Variants in KHDRBS3 observed in about 807,000 individuals in gnomAD.
KHDRBS3 encodes the protein KH domain-containing, RNA-binding, signal transduction-associated protein 3.
In KHDRBS3, 23 loss-of-function variants were observed where a neutral mutation model predicts 45.6. The observed-to-expected ratio is 0.50, with a 90% CI of 0.36 to 0.72. KHDRBS3 has a LOEUF of 0.72. KHDRBS3 is among the 30% of genes least tolerant of loss of function. KHDRBS3 has a pLI of 0.00. For missense variants in KHDRBS3, 352 were observed against 424.8 expected, an observed-to-expected ratio of 0.83 and a Z score of 1.51; for synonymous variants, 162 against 156.5, an observed-to-expected ratio of 1.04 and a Z score of -0.26.
intron 5 of KHDRBS3, among the ~76,000 whole-genome samples, chr8:135,559,624 G>A (rs1417560411): frequency 6.6e-6 from 1 of 152,144 alleles, no homozygotes; most frequent in Non-Finnish European, 1.5e-5. Context: ...GCCTCCCAAA[G>A]TGCTGGGATT....
At chr8:135,511,549 G>GT (rs1327592880) in intron 1 of KHDRBS3, among the ~76,000 whole-genome samples, 1 of 119,882 alleles carries the variant, frequency 8.3e-6, no homozygotes, top group Non-Finnish European at 1.8e-5. Context: ...TTGTTTGTTT[G>GT]TTGTTGTTGT....
intron 6 of KHDRBS3, among the ~76,000 whole-genome samples, chr8:135,605,756 A>C (rs1004255651): frequency 6.6e-6 from 1 of 152,182 alleles, no homozygotes; most frequent in Admixed American, 6.5e-5. Context: ...CACAATTCAA[A>C]TATGTGTTGT....
At chr8:135,541,496 T>G (rs1441063872) in intron 2 of KHDRBS3, 1 of 152,230 alleles carries the variant, frequency 6.6e-6, no homozygotes, top group Non-Finnish European at 1.5e-5. Context: ...CCAATAAAAT[T>G]AAAAGTTGGA....
At chr8:135,519,275 T>C (rs1230615930) in intron 1 of KHDRBS3, among the ~76,000 whole-genome samples, 1 of 152,208 alleles carries the variant, frequency 6.6e-6, no homozygotes, top group Non-Finnish European at 1.5e-5. Flanking sequence ...TGATGCCAGC[T>C]GTGTATCCAG....
chr8:135,509,375 A>T (rs1308738223), intron 1 of KHDRBS3, among the ~76,000 whole-genome samples: 2 of 152,158 alleles, frequency 1.3e-5, no homozygotes, highest in Non-Finnish European at 2.9e-5. Context: ...GGGAGTGGTA[A>T]TTTCTGTCCC....
At chr8:135,609,593 C>T (rs1829626481) in intron 7 of KHDRBS3, among the ~76,000 whole-genome samples, 1 of 151,824 alleles carries the variant, frequency 6.6e-6, no homozygotes, top group Non-Finnish European at 1.5e-5. Context: ...CCACACCGGG[C>T]CTACCTTTTT....
chr8:135,608,291 A>C (rs4507800), intron 7 of KHDRBS3, among the ~76,000 whole-genome samples: 30,955 of 152,228 alleles, frequency 0.2, 3,695 homozygotes, highest in Middle Eastern at 0.28. Context: ...AGTCCTTCTC[A>C]GATTTTGTTT....
intron 5 of KHDRBS3, among the ~76,000 whole-genome samples, chr8:135,569,771 G>A (rs1827612355): frequency 6.6e-6 from 1 of 152,156 alleles, no homozygotes; most frequent in Non-Finnish European, 1.5e-5. Context: ...AGGTTCTGTG[G>A]TGGAGATGAA....
At chr8:135,584,259 T>C (rs1828354197) in intron 6 of KHDRBS3, among the ~76,000 whole-genome samples, 1 of 152,236 alleles carries the variant, frequency 6.6e-6, no homozygotes, top group Non-Finnish European at 1.5e-5. Context: ...CTGACGGTCA[T>C]ATCCGCCAGT....
At chr8:135,487,883 T>G (rs1006753485) in intron 1 of KHDRBS3, among the ~76,000 whole-genome samples, 2 of 152,204 alleles carry the variant, frequency 1.3e-5, no homozygotes, top group Non-Finnish European at 2.9e-5. Flanking sequence ...GAGTAATCTT[T>G]GTAACTCTGT....
At chr8:135,467,293 A>C (rs6577645) in intron 1 of KHDRBS3, among the ~76,000 whole-genome samples, 115,760 of 152,148 alleles carry the variant, frequency 0.76, 44,238 homozygotes, top group East Asian at 0.96. Flanking sequence ...TACTTAAATA[A>C]CTTGACATGT....
At chr8:135,573,871 A>G (rs1428784885) in intron 5 of KHDRBS3, among the ~76,000 whole-genome samples, 1 of 152,184 alleles carries the variant, frequency 6.6e-6, no homozygotes, top group Non-Finnish European at 1.5e-5. Flanking sequence ...AGAAAGAATT[A>G]TTGCATTGTA....
chr8:135,639,471 C>T (rs1015480459), intron 7 of KHDRBS3, among the ~76,000 whole-genome samples: 1 of 152,118 alleles, frequency 6.6e-6, no homozygotes, highest in Non-Finnish European at 1.5e-5. Context: ...AGATTGAAAG[C>T]TGGGTGTTTG....
intron 4 of KHDRBS3, among the ~76,000 whole-genome samples, chr8:135,655,060 G>A (rs960334908): frequency 2.0e-5 from 3 of 152,206 alleles, no homozygotes; most frequent in Admixed American, 6.5e-5. Context: ...AGGGTCACAG[G>A]TGTGTCTGTC....
intron 5 of KHDRBS3, among the ~76,000 whole-genome samples, chr8:135,580,410 A>C (rs2130919426): frequency 6.6e-6 from 1 of 152,284 alleles, no homozygotes; most frequent in South Asian, 2.1e-4. Context: ...TTAACTATTG[A>C]TTAAATTTAT....
chr8:135,485,447 A>G (rs1019259146), intron 1 of KHDRBS3, among the ~76,000 whole-genome samples: 1 of 152,154 alleles, frequency 6.6e-6, no homozygotes, highest in Non-Finnish European at 1.5e-5. Flanking sequence ...TTAGAGATAA[A>G]GTATGACGGT....
chr8:135,610,792 G>A (rs1268569867), intron 7 of KHDRBS3, among the ~76,000 whole-genome samples: 3 of 151,768 alleles, frequency 2.0e-5, no homozygotes, highest in Non-Finnish European at 4.4e-5. Flanking sequence ...AGGGAGTTTT[G>A]TGTGGCAACT....
At chr8:135,546,208 G>A (rs1284690627) in intron 3 of KHDRBS3, among the ~76,000 whole-genome samples, 1 of 151,740 alleles carries the variant, frequency 6.6e-6, no homozygotes, top group Non-Finnish European at 1.5e-5. Flanking sequence ...TAATCAGATA[G>A]TCACTGCCTG....
In KHDRBS3 at chr8:135,580,820, C is replaced by G. The variant is rs530477212; in HGVS notation, c.612-1058C>G. 3.5e-4 allele frequency among the ~76,000 whole-genome samples: 53 copies of G among 152,188 alleles called. 1 individual carries two copies. The highest frequency in any genetic ancestry group is 2.1e-4 in the Non-Finnish European group (14 of 68,012). ...TAGAGATGGAGTTTTGCCATGTTGA[C>G]CAGGCTGGTCTTGAACTCTTGGCCT... On this transcript the variant is annotated intron_variant, in intron 5 of 8. Transcript: ENST00000355849.
Sources: gnomAD v4.1 joint callset for allele counts (sites outside exome capture counted in the v4.1 genomes callset) on GRCh38, gnomAD v4.1.1 for gene constraint, MANE v1.5 for transcripts, NCBI Gene and HGNC (gene_info 2026-07-23, HGNC 2026-07-21) for gene names.